Variants in ULK4 observed in about 807,000 individuals in gnomAD.
ULK4 encodes the protein unc-51 like kinase 4.
ULK4 carries 133 observed loss-of-function variants against 160.6 expected under a neutral mutation model. The observed-to-expected ratio is 0.83, with a 90% CI of 0.72 to 0.96. The LOEUF (loss-of-function observed/expected upper bound fraction) is 0.96, where lower values mean the gene tolerates loss of function less well. Among genes scored for constraint, ULK4 ranks in the 40% least tolerant of loss-of-function variants. The pLI, the probability that ULK4 is intolerant of heterozygous loss-of-function variation, is 0.00. For missense variants in ULK4, 1,580 were observed against 1,499.5 expected (o/e 1.05, Z -0.89); for synonymous variants, 534 against 539.8 (o/e 0.99, Z 0.15).
intron 21 of ULK4, among the ~76,000 whole-genome samples, chr3:41,774,310 T>C (rs10452018): frequency 0.26 from 38,092 of 145,126 alleles, 5,735 homozygotes; most frequent in African/African-American, 0.54. Context: ...AGAAAATTTT[T>C]GCAACCTACT....
At chr3:41,410,728 A>C (rs2082393960) in intron 34 of ULK4, among the ~76,000 whole-genome samples, 1 of 152,216 alleles carries the variant, frequency 6.6e-6, no homozygotes, top group Non-Finnish European at 1.5e-5. Context: ...GAAAAGGAAA[A>C]ATACTTTCTA....
At position 41,789,524 on chromosome 3, in the gene ULK4, C is replaced by T. The variant is rs984793664; in HGVS notation, c.2193+137G>A. 47 of 723,194 alleles carry T rather than the reference C, an allele frequency of 6.5e-5. No individual in the cohort carries two copies. The South Asian group carries it at 1.2e-3, about 18-fold the overall frequency. The allele number at this position is 723,194 out of a possible 1,614,324, so 44.8% of individuals were successfully genotyped here. A position where few individuals can be genotyped will look rare whatever the true frequency, so the allele number is the denominator to read the frequency against. ...ATGTTCAGATGAACATTCTGTGGTACAAAGGTTTGGCAAAGTTCAAAAAGG... is the reference window on the plus strand; with the variant it reads ...ATGTTCAGATGAACATTCTGTGGTATAAAGGTTTGGCAAAGTTCAAAAAGG... On this transcript the variant is annotated intron_variant, in intron 21 of 36. Transcript: ENST00000301831.
chr3:41,907,836 T>A lies in ULK4; in HGVS notation c.1182+9A>T, dbSNP rs758449591. On this transcript the variant is annotated intron_variant, in intron 12 of 36. Transcript: ENST00000301831. ...TTATGTAGGAAGAAAATTTCCCAAG[T>A]CTGCTCACCTTGGTCAGAGGAGAAG... The A allele has an allele frequency of 2.1e-5, 32 of 1,544,234 alleles. 1 individual carries two copies. The South Asian group carries it at 4.0e-4, about 19-fold the overall frequency.
intron 20 of ULK4, among the ~76,000 whole-genome samples, chr3:41,790,601 G>T (rs1353046698): frequency 3.3e-5 from 5 of 152,176 alleles, no homozygotes; most frequent in Non-Finnish European, 5.9e-5. Context: ...GTGAAAAAGT[G>T]AGTTAAGAAA....
intron 31 of ULK4, among the ~76,000 whole-genome samples, chr3:41,609,153 C>A (rs1405728427): frequency 6.6e-6 from 1 of 151,486 alleles, no homozygotes; most frequent in African/African-American, 2.4e-5. Context: ...CTTTTTTTTT[C>A]ATTGGGTACA....
intron 19 of ULK4, among the ~76,000 whole-genome samples, chr3:41,817,603 G>A (rs956004434): frequency 1.3e-5 from 2 of 152,008 alleles, no homozygotes; most frequent in Non-Finnish European, 2.9e-5. Context: ...GGAAACAACA[G>A]ACACTGGAGA....
chr3:41,500,857 G>A (rs946544585), intron 32 of ULK4, among the ~76,000 whole-genome samples: 2 of 152,124 alleles, frequency 1.3e-5, no homozygotes, highest in African/African-American at 4.8e-5. Flanking sequence ...ATGTGATCTT[G>A]TGTGCCTTCT....
intron 32 of ULK4, among the ~76,000 whole-genome samples, chr3:41,510,318 C>T (rs1226319013): frequency 6.6e-6 from 1 of 152,110 alleles, no homozygotes; most frequent in Non-Finnish European, 1.5e-5. Flanking sequence ...TACTGAAACT[C>T]CCAAATTTAT....
chr3:41,546,597 A>T (rs987437246), intron 32 of ULK4, among the ~76,000 whole-genome samples: 4 of 152,042 alleles, frequency 2.6e-5, no homozygotes, highest in African/African-American at 9.7e-5. Flanking sequence ...AAACCTGTGG[A>T]AAACTCCGAT....
At chr3:41,659,311 C>G (rs2035060074) in intron 30 of ULK4, among the ~76,000 whole-genome samples, 1 of 152,052 alleles carries the variant, frequency 6.6e-6, no homozygotes, top group Admixed American at 6.6e-5. Flanking sequence ...AATACGGAAC[C>G]CAGACTTTGT....
intron 17 of ULK4, among the ~76,000 whole-genome samples, chr3:41,883,218 T>C (rs1201846009): frequency 2.6e-5 from 4 of 152,204 alleles, no homozygotes. Context: ...CAAATACCAG[T>C]TGGCTACTAC....
intron 32 of ULK4, among the ~76,000 whole-genome samples, chr3:41,536,522 T>A (rs999062692): frequency 2.2e-4 from 33 of 152,220 alleles, no homozygotes; most frequent in Admixed American, 3.9e-4. Flanking sequence ...TATTGTTGAC[T>A]GGGAATCTTA....
chr3:41,719,576 C>A (rs2037380953), intron 22 of ULK4, among the ~76,000 whole-genome samples: 1 of 152,202 alleles, frequency 6.6e-6, no homozygotes, highest in East Asian at 1.9e-4. Context: ...ATCCTTAACA[C>A]CTCCTTTTCT....
At chr3:41,479,010 G>C (rs923565934) in intron 32 of ULK4, among the ~76,000 whole-genome samples, 1 of 152,238 alleles carries the variant, frequency 6.6e-6, no homozygotes, top group Non-Finnish European at 1.5e-5. Context: ...GAGATGCAGA[G>C]AAGAAAATCC....
chr3:41,709,463 T>C (rs1416622680), intron 25 of ULK4, among the ~76,000 whole-genome samples: 1 of 152,202 alleles, frequency 6.6e-6, no homozygotes, highest in Non-Finnish European at 1.5e-5. Flanking sequence ...CTCGGTTCAC[T>C]GCAACCTCCG....
At chr3:41,684,597 T>C (rs765754595) in intron 27 of ULK4, among the ~76,000 whole-genome samples, 1 of 152,228 alleles carries the variant, frequency 6.6e-6, no homozygotes, top group South Asian at 2.1e-4. Context: ...TGTCAAGCAC[T>C]TGGGGATGAG....
intron 16 of ULK4, among the ~76,000 whole-genome samples, chr3:41,893,936 C>T (rs1244515849): frequency 6.6e-6 from 1 of 152,268 alleles, no homozygotes; most frequent in Middle Eastern, 3.4e-3. Context: ...GAGAAAACGT[C>T]GCTGGAAGTG....
intron 3 of ULK4, among the ~76,000 whole-genome samples, chr3:41,937,590 A>G (rs1013681474): frequency 2.0e-5 from 3 of 151,242 alleles, no homozygotes; most frequent in Non-Finnish European, 1.5e-5. Context: ...TGAAACTAAA[A>G]GCCCAGATAA....
intron 35 of ULK4, among the ~76,000 whole-genome samples, chr3:41,378,582 T>G (rs557133064): frequency 6.1e-4 from 92 of 149,974 alleles, no homozygotes; most frequent in African/African-American, 2.2e-3. Flanking sequence ...AACTGAACAA[T>G]GAGAACACTT....
Sources: allele counts gnomAD v4.1 joint callset (sites outside exome capture counted in the v4.1 genomes callset), GRCh38; gene constraint gnomAD v4.1.1; transcripts MANE v1.5; gene names NCBI Gene and HGNC (gene_info 2026-07-23, HGNC 2026-07-21).